LRRC4C: variants seen among roughly 807,000 people sequenced by gnomAD.
LRRC4C encodes leucine rich repeat containing 4C.
LRRC4C carries 5 observed loss-of-function variants against 33.6 expected under a neutral mutation model. That is an observed-to-expected ratio of 0.15 (90% confidence interval 0.08 to 0.31). The LOEUF is 0.31. LRRC4C is among the 10% of genes least tolerant of loss of function. The pLI is 1.00. For missense variants in LRRC4C, 560 were observed against 796.7 expected (o/e 0.70, Z 3.58); for synonymous variants, 329 against 302.0 (o/e 1.09, Z -0.93).
chr11:40,218,307 T>A (rs1864120425), intron 5 of LRRC4C, among the ~76,000 whole-genome samples: 1 of 152,064 alleles, frequency 6.6e-6, no homozygotes, highest in Non-Finnish European at 1.5e-5. Flanking sequence ...TAAAGTGAAC[T>A]CAATCCCAAT....
In LRRC4C at chr11:40,146,468, C is replaced by G. The variant is rs193140841; in HGVS notation, c.-95-5615G>C. 1.8e-4 allele frequency among the ~76,000 whole-genome samples: 27 copies of G among 152,250 alleles called. No individual in the cohort carries two copies. In the East Asian group the frequency reaches 4.4e-3, roughly 25 times the overall value. Reference sequence around the variant, plus strand: ...GAGGGGATGCCTCAACAGACCCTATCTATAGGAACTCTAAAATGGCTATAA... The same window carrying G: ...GAGGGGATGCCTCAACAGACCCTATGTATAGGAACTCTAAAATGGCTATAA... On this transcript the variant is annotated intron_variant, in intron 5 of 6. Coordinates refer to ENST00000528697, the MANE Select transcript of LRRC4C (RefSeq NM_001258419.2).
chr11:40,310,955 T>C (rs532426595), intron 4 of LRRC4C, among the ~76,000 whole-genome samples: 1 of 152,252 alleles, frequency 6.6e-6, no homozygotes, highest in East Asian at 1.9e-4. Context: ...ATACACTGTA[T>C]GGCTCACCTG....
chr11:40,144,305 C>T (rs1857570457), intron 5 of LRRC4C, among the ~76,000 whole-genome samples: 1 of 152,086 alleles, frequency 6.6e-6, no homozygotes, highest in Non-Finnish European at 1.5e-5. Flanking sequence ...TAAAAAAATG[C>T]TGAACATAAC....
intron 3 of LRRC4C, among the ~76,000 whole-genome samples, chr11:40,536,315 T>A (rs1001943521): frequency 2.6e-5 from 4 of 152,048 alleles, no homozygotes; most frequent in Admixed American, 6.6e-5. Context: ...CACCTCAGCC[T>A]CCCAAGTAGC....
chr11:41,078,573 G>A (rs992387048), intron 1 of LRRC4C, among the ~76,000 whole-genome samples: 1 of 152,076 alleles, frequency 6.6e-6, no homozygotes, highest in Non-Finnish European at 1.5e-5. Flanking sequence ...GCGAGCAAAG[G>A]GGTAGGTGCC....
chr11:41,456,956 A>G (rs1956187932), intron 1 of LRRC4C, among the ~76,000 whole-genome samples: 1 of 152,184 alleles, frequency 6.6e-6, no homozygotes, highest in South Asian at 2.1e-4. Context: ...ACATTTCATA[A>G]GCTGTAATCA....
At chr11:40,794,736 G>A (rs1232161578) in intron 2 of LRRC4C, among the ~76,000 whole-genome samples, 1 of 152,140 alleles carries the variant, frequency 6.6e-6, no homozygotes, top group Non-Finnish European at 1.5e-5. Context: ...AGTGCTATAA[G>A]AATATGAGTA....
At position 40,159,121 on chromosome 11, in the gene LRRC4C, T is replaced by C. The variant is rs943489196; in HGVS notation, c.-95-18268A>G. On this transcript the variant is annotated intron_variant, in intron 5 of 6. Coordinates refer to ENST00000528697, the MANE Select transcript of LRRC4C (RefSeq NM_001258419.2). ...GAAAATCCTCTTGCAGATGAAAATTTGGTCGTTGTTTTTTTTGTACTCCAA... is the reference window on the plus strand; with the variant it reads ...GAAAATCCTCTTGCAGATGAAAATTCGGTCGTTGTTTTTTTTGTACTCCAA... Among the ~76,000 whole-genome samples, 10 of 152,236 alleles carry C rather than the reference T, an allele frequency of 6.6e-5. No individual in the cohort carries two copies. The East Asian group carries it at 1.9e-3, about 29-fold the overall frequency.
intron 2 of LRRC4C, among the ~76,000 whole-genome samples, chr11:40,908,580 G>GA (rs1387489470): frequency 2.0e-5 from 3 of 152,050 alleles, no homozygotes; most frequent in African/African-American, 7.2e-5. Flanking sequence ...GGTTCATTTG[G>GA]AAAAAATATT....
intron 1 of LRRC4C, among the ~76,000 whole-genome samples, chr11:41,385,035 A>G (rs2137931257): frequency 6.6e-6 from 1 of 150,950 alleles, no homozygotes; most frequent in East Asian, 2.0e-4. Flanking sequence ...TCAGTATACA[A>G]TTGTCCAGGA....
intron 2 of LRRC4C, among the ~76,000 whole-genome samples, chr11:40,915,789 T>G (rs1015583224): frequency 6.6e-6 from 1 of 151,980 alleles, no homozygotes; most frequent in East Asian, 1.9e-4. Context: ...ATTTTTGCAA[T>G]CTACTCATCT....
At chr11:40,973,446 C>A (rs962083407) in intron 1 of LRRC4C, among the ~76,000 whole-genome samples, 1 of 152,082 alleles carries the variant, frequency 6.6e-6, no homozygotes, top group African/African-American at 2.4e-5. Context: ...GAGTTTTTCT[C>A]GAGGAATCCC....
At chr11:40,422,255 C>T (rs1295149337) in intron 3 of LRRC4C, among the ~76,000 whole-genome samples, 1 of 152,096 alleles carries the variant, frequency 6.6e-6, no homozygotes, top group Admixed American at 6.6e-5. Context: ...TGCTTCTTGT[C>T]CCCTACGTAA....
intron 6 of LRRC4C, among the ~76,000 whole-genome samples, chr11:40,140,085 A>G (rs1857257490): frequency 6.6e-6 from 1 of 152,218 alleles, no homozygotes; most frequent in Admixed American, 6.5e-5. Flanking sequence ...CTGCCTTAAT[A>G]ATAAAGTTTT....
chr11:40,322,811 T>A (rs1301593877), intron 3 of LRRC4C, among the ~76,000 whole-genome samples: 1 of 152,168 alleles, frequency 6.6e-6, no homozygotes, highest in Non-Finnish European at 1.5e-5. Flanking sequence ...TCAGGGTCTG[T>A]CCCAGAGTAA....
chr11:40,580,056 CAG>C (rs1243667826), intron 3 of LRRC4C, among the ~76,000 whole-genome samples: 4 of 120,690 alleles, frequency 3.3e-5, no homozygotes, highest in Non-Finnish European at 7.4e-5. Context: ...GGGTACTTTT[CAG>C]GTGTGTGTGT....
intron 3 of LRRC4C, among the ~76,000 whole-genome samples, chr11:40,600,945 G>C (rs1465484601): frequency 6.6e-6 from 1 of 152,156 alleles, no homozygotes; most frequent in African/African-American, 2.4e-5. Flanking sequence ...TTAGTGTCTT[G>C]TGTAGAAAGG....
In LRRC4C at chr11:40,127,297, T is replaced by C. The variant is rs575820081; in HGVS notation, c.-42-10963A>G. On this transcript the variant is annotated intron_variant, in intron 6 of 6. Coordinates refer to ENST00000528697, the MANE Select transcript of LRRC4C (RefSeq NM_001258419.2). The stretch of plus-strand genomic sequence containing the variant: ...CTCAAAAAAAGCAAAAAAAAAAATA[T>C]AGAGATTTGGAATTTTATGCAGGTC... Among the ~76,000 whole-genome samples, 11 of 149,006 alleles carry C rather than the reference T, an allele frequency of 7.4e-5. No homozygotes were observed. In the East Asian group the frequency reaches 1.2e-3, roughly 16 times the overall value.
rs541491147 is a variant in LRRC4C at position 40,648,187 on chromosome 11, G to A, written c.-315C>T. On this transcript the variant is annotated 5_prime_UTR_variant, in exon 3 of 7. Coordinates refer to ENST00000528697, the MANE Select transcript of LRRC4C (RefSeq NM_001258419.2). ...ACCCGTTTCTCTGTTTGCAAAACTG[G>A]AACCCACTTAATTTATGGCGATTCC... The A allele has an allele frequency of 5.9e-5, 9 of 152,094 alleles. No individual in the cohort carries two copies. Among genetic ancestry groups the A allele is most frequent in the Non-Finnish European group, 1.2e-4 (8 of 68,018 alleles). The allele number at this position is 152,094 out of a possible 1,614,324, so 9.4% of individuals were successfully genotyped here.
Sources: gnomAD v4.1 joint callset for allele counts (sites outside exome capture counted in the v4.1 genomes callset) on GRCh38, gnomAD v4.1.1 for gene constraint, MANE v1.5 for transcripts, NCBI Gene and HGNC (gene_info 2026-07-23, HGNC 2026-07-21) for gene names.